Variants in FBXL20 observed in about 807,000 individuals in gnomAD.
FBXL20 encodes the protein F-box and leucine rich repeat protein 20.
In FBXL20, 11 loss-of-function variants were observed where a neutral mutation model predicts 64.0. That is an observed-to-expected ratio of 0.17 (90% CI 0.11 to 0.28). FBXL20 has a LOEUF of 0.28. FBXL20 is among the 10% of genes least tolerant of loss of function. The pLI is 1.00. For missense variants in FBXL20, 303 were observed against 526.2 expected (o/e 0.58, Z 4.15); for synonymous variants, 184 against 189.0 (o/e 0.97, Z 0.22).
At chr17:39,283,215 G>A (rs370307329) in intron 7 of FBXL20, among the ~76,000 whole-genome samples, 3 of 152,222 alleles carry the variant, frequency 2.0e-5, no homozygotes, top group African/African-American at 4.8e-5. Context: ...GATTCAAAAC[G>A]AGATTCTCCA....
intron 6 of FBXL20, among the ~76,000 whole-genome samples, chr17:39,289,679 TA>T (rs2047019892): frequency 6.7e-6 from 1 of 150,210 alleles, no homozygotes; most frequent in Admixed American, 6.6e-5. Context: ...ACCCAAACTA[TA>T]ACAATACTGA....
chr17:39,374,030 TG>T (rs773485266), intron 1 of FBXL20, among the ~76,000 whole-genome samples: 7 of 152,010 alleles, frequency 4.6e-5, no homozygotes, highest in Non-Finnish European at 7.4e-5. Context: ...AAGACAAGCC[TG>T]GCCAACATGG....
At chr17:39,328,950 A>C (rs1597800546) in intron 2 of FBXL20, among the ~76,000 whole-genome samples, 1 of 152,224 alleles carries the variant, frequency 6.6e-6, no homozygotes, top group African/African-American at 2.4e-5. Context: ...GCTACTCAGG[A>C]GACAGAGGTG....
At position 39,265,466 on chromosome 17, in the gene FBXL20, A is replaced by G. The variant is rs755441480; in HGVS notation, c.934-13T>C. On this transcript the variant is annotated splice_polypyrimidine_tract_variant and intron_variant, in intron 12 of 14. Transcript: ENST00000264658. ...TGCTATCTGTTATCTGAAAGAAATA[A>G]CGTATGTTGATTTTAGGTATAATCC... The G allele has an allele frequency of 3.2e-6, 5 of 1,586,064 alleles. 1 individual carries two copies. The South Asian group carries it at 4.4e-5, about 14-fold the overall frequency.
chr17:39,402,084 G>A, upstream of FBXL20: 4 of 1,130,194 alleles, frequency 3.5e-6, no homozygotes, highest in Admixed American at 4.2e-5. Flanking sequence ...CTCTGCCCGC[G>A]CCCGTCGCCC....
chr17:39,343,131 AATAT>A, intron 2 of FBXL20, 45 bp downstream of exon 2: 1 of 1,394,874 alleles, frequency 7.2e-7, no homozygotes, highest in South Asian at 1.3e-5. Context: ...TAAACAGGCA[AATAT>A]GACATACACA....
intron 1 of FBXL20, among the ~76,000 whole-genome samples, chr17:39,386,024 CAA>C (rs35967171): frequency 1.3e-4 from 5 of 39,626 alleles, no homozygotes; most frequent in Admixed American, 6.4e-4. Flanking sequence ...GATTCCGTCT[CAA>C]AAAAAAAAAA....
rs1260758620 is a variant in FBXL20, at chr17:39,398,824, A to T, written c.42+2537T>A. ...TGAGTAGCTGGAATTACAGGTGCCC[A>T]CTACCACGCCCGGCTAATTTTTGTA... On this transcript the variant is annotated intron_variant, in intron 1 of 14. Transcript: ENST00000264658. Among the ~76,000 whole-genome samples the T allele has an allele frequency of 5.3e-5, 8 of 152,080 alleles. No individual in the cohort carries two copies. In the South Asian group the frequency reaches 1.0e-3, roughly 20 times the overall value.
In FBXL20 at chr17:39,301,000, CCT is replaced by C; in HGVS notation, c.233_234del (p.Glu78GlyfsTer42). 1 of 1,613,780 alleles carries C rather than the reference CCT, an allele frequency of 6.2e-7. No homozygotes were observed. Among genetic ancestry groups the C allele is most frequent in the Non-Finnish European group, 8.5e-7 (1 of 1,179,862 alleles). ...TGGGGCCACACACCACATAATTATA[CCT>C]CAATATCCCTCTGGAAATCAAATAG... ...IDLFDFQRDI[E>X]GRVVENISKR... On this transcript the variant is annotated frameshift_variant and splice_region_variant, in exon 4 of 15. Transcript: ENST00000264658. LOFTEE classifies it high-confidence loss of function.
chr17:39,360,613 A>G (rs528215948), intron 1 of FBXL20, among the ~76,000 whole-genome samples: 1 of 152,280 alleles, frequency 6.6e-6, no homozygotes, highest in South Asian at 2.1e-4. Context: ...TGATGAATAC[A>G]CTTTGATGAC....
rs528094142 is a variant in FBXL20, at chr17:39,316,019, G to T, written c.105-12380C>A. Among the ~76,000 whole-genome samples, 3 of 152,240 alleles carry T rather than the reference G, an allele frequency of 2.0e-5. No homozygotes were observed. The East Asian group carries it at 5.8e-4, about 29-fold the overall frequency. On this transcript the variant is annotated intron_variant, in intron 2 of 14. Transcript: ENST00000264658. ...GGATCACTTGAACCTTAGAGTTCAAGGTTACAGGGAGCTGTGATCATGCCA... is the reference window on the plus strand; with the variant it reads ...GGATCACTTGAACCTTAGAGTTCAATGTTACAGGGAGCTGTGATCATGCCA...
chr17:39,261,601 G>T (rs1316495446), intron 14 of FBXL20, 34 bp from the exon 15 acceptor site: 1 of 1,490,882 alleles, frequency 6.7e-7, no homozygotes, highest in Non-Finnish European at 9.3e-7. Flanking sequence ...ACGTTTAAGA[G>T]AGGGCTTAAA....
chr17:39,272,734 GAAAGAAAGAAAA>G (rs1361348741), intron 10 of FBXL20, among the ~76,000 whole-genome samples: 3 of 145,824 alleles, frequency 2.1e-5, no homozygotes, highest in African/African-American at 7.6e-5. Flanking sequence ...AAGAAAGAAA[GAAAGAAAGAAAA>G]AGAAAGAAAG....
chr17:39,326,531 G>A (rs2047410272), intron 2 of FBXL20, among the ~76,000 whole-genome samples: 1 of 151,848 alleles, frequency 6.6e-6, no homozygotes, highest in Admixed American at 6.6e-5. Flanking sequence ...TGAGGTGGGG[G>A]GATCACCTGA....
chr17:39,320,290 A>T lies in FBXL20; in HGVS notation c.105-16651T>A, dbSNP rs558371171. Among the ~76,000 whole-genome samples, 160 of 152,304 alleles carry T rather than the reference A, an allele frequency of 1.1e-3. 1 individual carries two copies. The highest frequency in any genetic ancestry group is 3.6e-3 in the African/African-American group (151 of 41,576). ...GGTATCAAGTAAAAATAATTAAAAA[A>T]ATATGTTTATAGCTACTTTAAAATT... On this transcript the variant is annotated intron_variant, in intron 2 of 14. Coordinates refer to ENST00000264658, the MANE Select transcript of FBXL20 (RefSeq NM_032875.3).
chr17:39,362,417 T>C (rs895219943), intron 1 of FBXL20, among the ~76,000 whole-genome samples: 1 of 152,126 alleles, frequency 6.6e-6, no homozygotes, highest in African/African-American at 2.4e-5. Context: ...CTGGGTAAGA[T>C]GGCAAGACCC....
At chr17:39,352,348 G>A (rs1465384024) in intron 1 of FBXL20, among the ~76,000 whole-genome samples, 2 of 151,878 alleles carry the variant, frequency 1.3e-5, no homozygotes, top group South Asian at 2.1e-4. Context: ...GGGCAAGATC[G>A]CGAGACCCCA....
At chr17:39,390,009 G>C (rs188071184) in intron 1 of FBXL20, among the ~76,000 whole-genome samples, 4 of 152,192 alleles carry the variant, frequency 2.6e-5, no homozygotes, top group African/African-American at 9.6e-5. Context: ...CATCTTAGGA[G>C]ACACTTATTC....
chr17:39,262,964 T>C (rs1030762095), intron 14 of FBXL20, among the ~76,000 whole-genome samples: 4 of 151,724 alleles, frequency 2.6e-5, no homozygotes, highest in African/African-American at 9.7e-5. Flanking sequence ...ATCATGCCAC[T>C]GCGCTCCAGC....
Sources: allele counts gnomAD v4.1 joint callset (sites outside exome capture counted in the v4.1 genomes callset), GRCh38; gene constraint gnomAD v4.1.1; transcripts MANE v1.5; gene names NCBI Gene and HGNC (gene_info 2026-07-23, HGNC 2026-07-21).